The following VPS37C variants were observed in gnomAD, a reference collection of about 807,000 sequenced individuals.
VPS37C encodes the protein VPS37C subunit of ESCRT-I.
VPS37C carries 9 observed loss-of-function variants against 16.1 expected under a neutral mutation model. The observed-to-expected ratio is 0.56, with a 90% CI of 0.34 to 0.97. The LOEUF (loss-of-function observed/expected upper bound fraction) is 0.97, where lower values mean the gene tolerates loss of function less well. VPS37C is among the 50% of genes least tolerant of loss of function. VPS37C has a pLI of 0.02. For missense variants in VPS37C, 479 were observed against 472.7 expected (o/e 1.01, Z -0.12); for synonymous variants, 207 against 206.4 (o/e 1.00, Z -0.02).
At chr11:61,156,971 T>C (rs919180441) in intron 1 of VPS37C, among the ~76,000 whole-genome samples, 1 of 152,252 alleles carries the variant, frequency 6.6e-6, no homozygotes, top group African/African-American at 2.4e-5. Context: ...GAACCTCATG[T>C]AAGAGGAATC....
At chr11:61,133,893 TA>T in intron 3 of VPS37C, 142 bp downstream of exon 3, 2 of 971,482 alleles carry the variant, frequency 2.1e-6, no homozygotes, top group South Asian at 2.2e-5. Flanking sequence ...TTCTTACCTA[TA>T]AAATGGAGTA....
intron 1 of VPS37C, among the ~76,000 whole-genome samples, chr11:61,156,078 T>G (rs549248487): frequency 6.6e-6 from 1 of 150,974 alleles, no homozygotes; most frequent in Non-Finnish European, 1.5e-5. Context: ...TAAAAAGTGT[T>G]CGAATTAATG....
At chr11:61,132,816 A>G in intron 4 of VPS37C, 1 of 574,900 alleles carries the variant, frequency 1.7e-6, no homozygotes, top group East Asian at 3.0e-5. Context: ...TGGCCACTGC[A>G]TATATGTGCT....
intron 1 of VPS37C, among the ~76,000 whole-genome samples, chr11:61,151,150 C>T (rs1220199680): frequency 6.6e-6 from 1 of 152,238 alleles, no homozygotes; most frequent in African/African-American, 2.4e-5. Flanking sequence ...CTGCCTCGAT[C>T]AAGTCTATCT....
At chr11:61,159,721 AAT>A (rs1853434944) in intron 1 of VPS37C, among the ~76,000 whole-genome samples, 2 of 81,676 alleles carry the variant, frequency 2.4e-5, no homozygotes, top group Non-Finnish European at 4.9e-5. Context: ...CTCAAAAAAA[AAT>A]AAATAAATAA....
chr11:61,152,839 G>A (rs375103203), intron 1 of VPS37C, among the ~76,000 whole-genome samples: 1 of 152,138 alleles, frequency 6.6e-6, no homozygotes, highest in East Asian at 1.9e-4. Flanking sequence ...ACTCTGCCTG[G>A]AATACTCTTT....
intron 1 of VPS37C, among the ~76,000 whole-genome samples, chr11:61,149,243 G>A (rs546618510): frequency 9.9e-5 from 15 of 152,270 alleles, no homozygotes; most frequent in South Asian, 4.1e-4. Context: ...CCGAGATCGC[G>A]CCACTGCATC....
At chr11:61,159,719 A>AAAAT (rs1025808274) in intron 1 of VPS37C, among the ~76,000 whole-genome samples, 1 of 82,924 alleles carries the variant, frequency 1.2e-5, no homozygotes, top group Non-Finnish European at 2.4e-5. Flanking sequence ...GTCTCAAAAA[A>AAAAT]AAATAAATAA....
chr11:61,132,595 T>A, intron 4 of VPS37C, 56 bp from the exon 5 acceptor site: 2 of 1,517,780 alleles, frequency 1.3e-6, no homozygotes, highest in Non-Finnish European at 1.8e-6. Flanking sequence ...GGCCTCTTGA[T>A]TTTCCCCAGG....
chr11:61,132,760 G>C, intron 4 of VPS37C: 1 of 672,420 alleles, frequency 1.5e-6, no homozygotes, highest in Non-Finnish European at 2.4e-6. Context: ...TGTCTCTGTC[G>C]TGGTCACCTC....
chr11:61,132,178 TAGA>T lies in VPS37C; in HGVS notation c.707_709del (p.Phe236del), dbSNP rs1252140085. ...GTAAGTGGGGCCCAGAGGCCCGCTG[TAGA>T]AGGAGGGCTGGGACACTACTGGGAA... On this transcript the variant is annotated inframe_deletion, in exon 5 of 5. Coordinates refer to ENST00000301765, the MANE Select transcript of VPS37C (RefSeq NM_017966.5). 4.1e-6 allele frequency: 6 copies of T among 1,479,682 alleles called. No homozygotes were observed. The South Asian group carries it at 5.7e-5, about 14-fold the overall frequency. The allele number at this position is 1,479,682 out of a possible 1,614,324, so 91.7% of individuals were successfully genotyped here. A position where few individuals can be genotyped will look rare whatever the true frequency, so the allele number is the denominator to read the frequency against.
intron 1 of VPS37C, among the ~76,000 whole-genome samples, chr11:61,146,462 A>T (rs1036514327): frequency 2.0e-5 from 3 of 152,238 alleles, no homozygotes; most frequent in Admixed American, 2.0e-4. Flanking sequence ...CAACAGAGTG[A>T]GGAGGAGAGA....
At chr11:61,145,270 T>C (rs1590789998) in intron 1 of VPS37C, 1 of 152,350 alleles carries the variant, frequency 6.6e-6, no homozygotes, top group East Asian at 1.9e-4. Flanking sequence ...CCAACATCTT[T>C]GCCCCACCTG....
chr11:61,156,314 C>T (rs916248708), intron 1 of VPS37C, among the ~76,000 whole-genome samples: 1 of 152,188 alleles, frequency 6.6e-6, no homozygotes, highest in Non-Finnish European at 1.5e-5. Flanking sequence ...CGGCCAGGTG[C>T]AGTTGTTCAC....
intron 1 of VPS37C, among the ~76,000 whole-genome samples, chr11:61,159,833 C>T (rs1432554254): frequency 7.9e-6 from 1 of 127,120 alleles, no homozygotes; most frequent in African/African-American, 3.0e-5. Flanking sequence ...AACCAGGGGG[C>T]GGAGGTTGCA....
chr11:61,161,075 G>A (rs1455353104), intron 1 of VPS37C: 1 of 152,338 alleles, frequency 6.6e-6, no homozygotes, highest in Non-Finnish European at 1.5e-5. Flanking sequence ...ACCGCAAGAT[G>A]CTCACATATG....
chr11:61,132,167 G>C lies in VPS37C; in HGVS notation c.721C>G (p.Leu241Val). The C allele has an allele frequency of 1.4e-6, 2 of 1,467,916 alleles. No homozygotes were observed. Among genetic ancestry groups the C allele is most frequent in the Non-Finnish European group, 9.0e-7 (1 of 1,108,202 alleles). 90.9% of individuals were successfully genotyped at this position (1,467,916 alleles called of 1,614,324 possible). The change falls in exon 5 of 5, where the codon CTG (leucine) becomes GTG (valine). Residue 241 changes from leucine to valine, a missense_variant. Leu to Val is a conservative substitution (Grantham distance 32). Coordinates refer to ENST00000301765, the MANE Select transcript of VPS37C (RefSeq NM_017966.5). ...TGGGCTGCCGGGTAAGTGGGGCCCA[G>C]AGGCCCGCTGTAGAAGGAGGGCTGG... ...VSQPSFYSGP[L>V]GPTYPAAQLG...
At chr11:61,150,297 T>C (rs996667486) in intron 1 of VPS37C, among the ~76,000 whole-genome samples, 3 of 152,174 alleles carry the variant, frequency 2.0e-5, no homozygotes, top group Admixed American at 2.0e-4. Context: ...CTATGCAGGC[T>C]GCAAACTAGT....
At chr11:61,136,510 T>C (rs992880694) in intron 2 of VPS37C, among the ~76,000 whole-genome samples, 1 of 152,156 alleles carries the variant, frequency 6.6e-6, no homozygotes, top group Non-Finnish European at 1.5e-5. Flanking sequence ...ACAAAGATTC[T>C]CATCTTCCCC....
Sources: allele counts gnomAD v4.1 joint callset (sites outside exome capture counted in the v4.1 genomes callset), GRCh38; gene constraint gnomAD v4.1.1; transcripts MANE v1.5; gene names NCBI Gene and HGNC (gene_info 2026-07-23, HGNC 2026-07-21).